SUPT3H: variants seen among roughly 807,000 people sequenced by gnomAD.
The protein encoded by SUPT3H is transcription initiation protein SPT3 homolog.
A neutral mutation model predicts 44.3 loss-of-function variants in SUPT3H; 44 were observed. The ratio of observed to expected loss-of-function variants is 0.99; its 90% CI spans 0.78 to 1.28. SUPT3H has a LOEUF of 1.28. Among genes scored for constraint, SUPT3H ranks in the 50% most tolerant of loss-of-function variants. The pLI, the probability that SUPT3H is intolerant of heterozygous loss-of-function variation, is 0.00. For missense variants in SUPT3H, 380 were observed against 387.1 expected, an observed-to-expected ratio of 0.98 and a Z score of 0.15; for synonymous variants, 124 against 125.6, an observed-to-expected ratio of 0.99 and a Z score of 0.09.
intron 6 of SUPT3H, among the ~76,000 whole-genome samples, chr6:44,972,692 G>A (rs1777765177): frequency 1.3e-5 from 2 of 152,198 alleles, no homozygotes; most frequent in East Asian, 1.9e-4. Context: ...ACATCCAGGT[G>A]TTTCCATACA....
intron 2 of SUPT3H, among the ~76,000 whole-genome samples, chr6:45,255,150 GTA>G (rs1773128073): frequency 6.6e-6 from 1 of 152,030 alleles, no homozygotes; most frequent in Non-Finnish European, 1.5e-5. Context: ...TTTATCAAAG[GTA>G]TATCTGTATG....
chr6:45,178,516 A>C (rs1348345862), intron 2 of SUPT3H, among the ~76,000 whole-genome samples: 1 of 152,042 alleles, frequency 6.6e-6, no homozygotes, highest in Non-Finnish European at 1.5e-5. Context: ...CGAGACAGAC[A>C]GTCAACAAGG....
At chr6:45,154,928 G>A (rs536626151) in intron 2 of SUPT3H, among the ~76,000 whole-genome samples, 6 of 152,090 alleles carry the variant, frequency 3.9e-5, no homozygotes, top group East Asian at 3.9e-4. Context: ...CTGTACCTAC[G>A]TGCCTGATAA....
At chr6:45,021,119 T>C (rs1051139813) in intron 3 of SUPT3H, among the ~76,000 whole-genome samples, 1 of 151,896 alleles carries the variant, frequency 6.6e-6, no homozygotes, top group Non-Finnish European at 1.5e-5. Context: ...ATACGTTTAG[T>C]TTTGGCAAGT....
At chr6:44,981,807 A>C (rs190613361) in intron 6 of SUPT3H, among the ~76,000 whole-genome samples, 1 of 149,988 alleles carries the variant, frequency 6.7e-6, no homozygotes, top group Non-Finnish European at 1.5e-5. Context: ...TTGGCTGGGC[A>C]TGGTAGCTCA....
In SUPT3H at chr6:45,350,862, AC is replaced by A. The variant is rs138616870; in HGVS notation, c.101+14338del. On this transcript the variant is annotated intron_variant, in intron 2 of 10. Coordinates refer to ENST00000371459, the MANE Select transcript of SUPT3H (RefSeq NM_003599.4). ...ATTTATAATAGCTCAGGGGTCCCCA[AC>A]CCCCAGTTCCAGTTCGTGGCCTGTT... Among the ~76,000 whole-genome samples the A allele has an allele frequency of 3.6e-3, 544 of 152,230 alleles. 1 individual carries two copies. The highest frequency in any genetic ancestry group is 0.013 in the African/African-American group (519 of 41,520).
chr6:45,144,968 G>A (rs1430657268), intron 2 of SUPT3H, among the ~76,000 whole-genome samples: 1 of 151,978 alleles, frequency 6.6e-6, no homozygotes, highest in African/African-American at 2.4e-5. Flanking sequence ...TAACCAAGGA[G>A]GTGAAAGATC....
chr6:44,988,532 A>AT (rs1562208215), intron 6 of SUPT3H, among the ~76,000 whole-genome samples: 1 of 149,506 alleles, frequency 6.7e-6, no homozygotes, highest in African/African-American at 2.4e-5. Context: ...AAAAAAAAAA[A>AT]AAAAAAAAAA....
intron 6 of SUPT3H, among the ~76,000 whole-genome samples, chr6:45,002,018 T>G (rs551657477): frequency 6.6e-6 from 1 of 152,222 alleles, no homozygotes; most frequent in Admixed American, 6.6e-5. Flanking sequence ...CTCTGTTATG[T>G]TGGCCAGAGA....
intron 3 of SUPT3H, among the ~76,000 whole-genome samples, chr6:45,084,857 A>G (rs1796292597): frequency 6.6e-6 from 1 of 152,222 alleles, no homozygotes; most frequent in South Asian, 2.1e-4. Context: ...GAGTTAATGC[A>G]GGAACAGAAA....
At chr6:45,047,807 C>A (rs1415055735) in intron 3 of SUPT3H, among the ~76,000 whole-genome samples, 1 of 152,060 alleles carries the variant, frequency 6.6e-6, no homozygotes, top group Admixed American at 6.6e-5. Flanking sequence ...AAAGTCATAT[C>A]TCATTGTGGT....
Position 44,910,695 on chromosome 6 carries a change from T to C in SUPT3H, c.912+21958A>G, listed in dbSNP as rs898224176. Among the ~76,000 whole-genome samples the C allele has an allele frequency of 2.1e-4, 4 of 19,004 alleles. No homozygotes were observed. In the Non-Finnish European group the frequency reaches 3.3e-3, roughly 16 times the overall value. 12.5% of individuals were successfully genotyped at this position (19,004 alleles called of 152,430 possible). A position where few individuals can be genotyped will look rare whatever the true frequency, so the allele number is the denominator to read the frequency against. On this transcript the variant is annotated intron_variant, in intron 10 of 10. Coordinates refer to ENST00000371459, the MANE Select transcript of SUPT3H (RefSeq NM_003599.4). ...TTTAGAAAATGTATTTTCTTTCAAA[T>C]TAAAAAAAAAAAAGGGGGCCAGGCA...
intron 11 of SUPT3H, among the ~76,000 whole-genome samples, chr6:44,820,813 A>G (rs762413609): frequency 6.6e-6 from 1 of 152,182 alleles, no homozygotes; most frequent in African/African-American, 2.4e-5. Flanking sequence ...TGGGGTCTCA[A>G]TATTTAAAAG....
At chr6:44,823,340 A>G (rs1037679471), downstream of SUPT3H, among the ~76,000 whole-genome samples, 3 of 152,162 alleles carry the variant, frequency 2.0e-5, no homozygotes, top group African/African-American at 7.2e-5. Flanking sequence ...TGAGACAGGC[A>G]GGAAACTTTA....
chr6:45,352,805 T>C (rs1283969746), intron 2 of SUPT3H, among the ~76,000 whole-genome samples: 2 of 152,098 alleles, frequency 1.3e-5, no homozygotes, highest in East Asian at 1.9e-4. Flanking sequence ...TTATTACTTA[T>C]ATTGCATAGA....
intron 2 of SUPT3H, among the ~76,000 whole-genome samples, chr6:45,140,553 T>C (rs954852513): frequency 1.3e-5 from 2 of 152,032 alleles, no homozygotes; most frequent in African/African-American, 4.8e-5. Flanking sequence ...AGGTCCTGAG[T>C]CTGTCCACAG....
At chr6:44,889,014 C>A (rs538393442) in intron 10 of SUPT3H, among the ~76,000 whole-genome samples, 9 of 146,146 alleles carry the variant, frequency 6.2e-5, no homozygotes, top group Non-Finnish European at 1.3e-4. Context: ...CTCCCATGCA[C>A]AATTGCTTCA....
chr6:45,267,153 G>T (rs1775392213), intron 2 of SUPT3H, among the ~76,000 whole-genome samples: 1 of 151,924 alleles, frequency 6.6e-6, no homozygotes, highest in Non-Finnish European at 1.5e-5. Context: ...AATACTTCTG[G>T]TCCCAAGTAT....
chr6:45,306,247 G>A (rs943720567), intron 2 of SUPT3H, among the ~76,000 whole-genome samples: 2 of 152,160 alleles, frequency 1.3e-5, no homozygotes, highest in South Asian at 2.1e-4. Context: ...GTACCAAAAC[G>A]AATCCATGCT....
Sources: gnomAD v4.1 joint callset for allele counts (sites outside exome capture counted in the v4.1 genomes callset) on GRCh38, gnomAD v4.1.1 for gene constraint, MANE v1.5 for transcripts, NCBI Gene and HGNC (gene_info 2026-07-23, HGNC 2026-07-21) for gene names.